Variants in FCHSD2 observed in about 807,000 individuals in gnomAD.
FCHSD2 encodes the protein FCH and double SH3 domains 2.
FCHSD2 carries 38 observed loss-of-function variants against 108.1 expected under a neutral mutation model. That is an observed-to-expected ratio of 0.35 (90% confidence interval 0.27 to 0.46). FCHSD2 has a LOEUF of 0.46. Among genes scored for constraint, FCHSD2 ranks in the 20% least tolerant of loss-of-function variants. The pLI is 1.00. For synonymous variants in FCHSD2, 279 were observed against 314.7 expected (o/e 0.89, Z 1.20); for missense variants, 751 against 897.8 (o/e 0.84, Z 2.09).
At chr11:72,849,976 C>A in intron 13 of FCHSD2, 87 bp from the exon 14 acceptor site, 2 of 1,007,832 alleles carry the variant, frequency 2.0e-6, no homozygotes, top group East Asian at 2.6e-5. Flanking sequence ...CTGATTGTTT[C>A]AAAATGTTAA....
chr11:73,107,404 CAT>C (rs1322392674), intron 2 of FCHSD2, among the ~76,000 whole-genome samples: 2 of 152,052 alleles, frequency 1.3e-5, no homozygotes, highest in African/African-American at 4.8e-5. Context: ...TAGATGAGGA[CAT>C]GAGATATTTT....
intron 3 of FCHSD2, among the ~76,000 whole-genome samples, chr11:73,056,377 C>T (rs756555394): frequency 5.9e-5 from 9 of 152,050 alleles, no homozygotes; most frequent in Non-Finnish European, 1.3e-4. Context: ...TAGGGAATAC[C>T]GGTATTAGTA....
intron 2 of FCHSD2, among the ~76,000 whole-genome samples, chr11:73,102,497 C>T (rs1379514480): frequency 6.6e-6 from 1 of 152,178 alleles, no homozygotes; most frequent in Non-Finnish European, 1.5e-5. Context: ...ACGAAACATC[C>T]ATCAACTGAT....
In FCHSD2 at chr11:72,912,939, G is replaced by C. The variant is rs78691374; in HGVS notation, c.828+8889C>G. 9.0e-3 allele frequency among the ~76,000 whole-genome samples: 1,368 copies of C among 152,250 alleles called. 16 individuals are homozygous for C. The highest frequency in any genetic ancestry group is 0.031 in the African/African-American group (1,296 of 41,532). ...AAGAAAAACAGTTTAATTGACCCAT[G>C]GTTCTGCAGGCTGTACAGGAAGCAT... On this transcript the variant is annotated intron_variant, in intron 9 of 19. Transcript: ENST00000409418.
intron 3 of FCHSD2, among the ~76,000 whole-genome samples, chr11:73,076,181 A>G (rs1163225972): frequency 6.6e-6 from 1 of 152,188 alleles, no homozygotes; most frequent in Non-Finnish European, 1.5e-5. Flanking sequence ...TTCTACTCTT[A>G]GTACATACCC....
At chr11:72,899,352 C>G (rs753425381) in intron 10 of FCHSD2, among the ~76,000 whole-genome samples, 1 of 151,868 alleles carries the variant, frequency 6.6e-6, no homozygotes, top group Non-Finnish European at 1.5e-5. Flanking sequence ...GACATTTTAC[C>G]AAAGAAGATA....
chr11:72,968,018 G>A (rs1343093964), intron 8 of FCHSD2, among the ~76,000 whole-genome samples: 2 of 151,096 alleles, frequency 1.3e-5, no homozygotes, highest in Non-Finnish European at 2.9e-5. Context: ...GTGAACCTGG[G>A]AGGTGGAGCT....
At chr11:73,080,105 C>G (rs556759118) in intron 3 of FCHSD2, among the ~76,000 whole-genome samples, 1 of 151,744 alleles carries the variant, frequency 6.6e-6, no homozygotes, top group Non-Finnish European at 1.5e-5. Context: ...TCGAGACCAG[C>G]CTGGGCAACA....
chr11:73,066,810 G>A (rs375264770), intron 3 of FCHSD2, among the ~76,000 whole-genome samples: 4 of 152,112 alleles, frequency 2.6e-5, no homozygotes, highest in East Asian at 1.9e-4. Flanking sequence ...TTAGAATGGC[G>A]ATCATTAAAA....
At chr11:72,896,764 TA>T (rs58159831) in intron 10 of FCHSD2, among the ~76,000 whole-genome samples, 32,584 of 68,392 alleles carry the variant, frequency 0.48, 5,313 homozygotes, top group East Asian at 0.62. Context: ...GGGAAAATAC[TA>T]AAAAAAAAAA....
chr11:73,100,965 T>A (rs1269089137), intron 2 of FCHSD2, among the ~76,000 whole-genome samples: 1 of 152,120 alleles, frequency 6.6e-6, no homozygotes, highest in Non-Finnish European at 1.5e-5. Context: ...AGACCCTTGT[T>A]TTTTACCAAG....
intron 10 of FCHSD2, among the ~76,000 whole-genome samples, chr11:72,898,478 A>G (rs894880119): frequency 1.3e-5 from 2 of 152,252 alleles, no homozygotes; most frequent in African/African-American, 4.8e-5. Context: ...AATTCAAACT[A>G]TAAAATTCAA....
intron 3 of FCHSD2, among the ~76,000 whole-genome samples, chr11:73,018,405 G>A (rs932869726): frequency 6.6e-6 from 1 of 151,906 alleles, no homozygotes; most frequent in Non-Finnish European, 1.5e-5. Context: ...AAGTATCTTC[G>A]CCTCTGGCCC....
intron 2 of FCHSD2, among the ~76,000 whole-genome samples, chr11:73,099,893 T>G (rs974103417): frequency 6.6e-6 from 1 of 152,252 alleles, no homozygotes; most frequent in Non-Finnish European, 1.5e-5. Flanking sequence ...GAGGGGACTT[T>G]CGGCACTTGC....
At chr11:72,922,671 CAG>C (rs1276129591) in intron 8 of FCHSD2, among the ~76,000 whole-genome samples, 2 of 151,724 alleles carry the variant, frequency 1.3e-5, no homozygotes, top group African/African-American at 4.8e-5. Flanking sequence ...GTTAAAAAAA[CAG>C]AATATACATA....
intron 2 of FCHSD2, among the ~76,000 whole-genome samples, chr11:73,106,862 T>A (rs72984908): frequency 0.22 from 34,190 of 152,054 alleles, 4,618 homozygotes; most frequent in Middle Eastern, 0.37. Context: ...GTAAGTACAT[T>A]CTATGATGTT....
rs183129847 is a variant in FCHSD2, at chr11:72,888,124, T to C, written c.1042-550A>G. Among the ~76,000 whole-genome samples the C allele has an allele frequency of 1.9e-3, 290 of 152,196 alleles. 1 individual carries two copies. The highest frequency in any genetic ancestry group is 3.4e-3 in the Non-Finnish European group (234 of 68,006). On this transcript the variant is annotated intron_variant, in intron 11 of 19. Coordinates refer to ENST00000409418, the MANE Select transcript of FCHSD2 (RefSeq NM_014824.3). ...GAGGGTAAAGAATAAGAAAACAAGATAGCCAAGTATAGGAATCTGAGAAAC... is the reference window on the plus strand; with the variant it reads ...GAGGGTAAAGAATAAGAAAACAAGACAGCCAAGTATAGGAATCTGAGAAAC...
rs1487678076 is a variant in FCHSD2, at chr11:73,141,907, C to T, written c.-30G>A. 5.8e-6 allele frequency: 9 copies of T among 1,540,992 alleles called. No individual in the cohort carries two copies. The highest frequency in any genetic ancestry group is 2.4e-5 in the South Asian group (2 of 83,788). ...CTGAAGGGACATCAATCCTCCCCGA[C>T]GGCAGCGTTAGCAAGGACCAGGAGG... On this transcript the variant is annotated 5_prime_UTR_variant, in exon 1 of 20. Coordinates refer to ENST00000409418, the MANE Select transcript of FCHSD2 (RefSeq NM_014824.3).
intron 4 of FCHSD2, among the ~76,000 whole-genome samples, chr11:73,014,371 C>T (rs567808812): frequency 1.3e-5 from 2 of 152,034 alleles, no homozygotes; most frequent in African/African-American, 2.4e-5. Context: ...TCAAGTGATC[C>T]TTCCACCTCG....
Sources: gnomAD v4.1 joint callset for allele counts (sites outside exome capture counted in the v4.1 genomes callset) on GRCh38, gnomAD v4.1.1 for gene constraint, MANE v1.5 for transcripts, NCBI Gene and HGNC (gene_info 2026-07-23, HGNC 2026-07-21) for gene names.